The following EPM2A variants were observed in gnomAD, a reference collection of about 807,000 sequenced individuals.
EPM2A encodes EPM2A glucan phosphatase, laforin.
Under a neutral mutation model 26.5 loss-of-function variants are expected in EPM2A, and 21 were observed. The observed-to-expected ratio is 0.79, with a 90% CI of 0.56 to 1.14. EPM2A has a LOEUF of 1.14. EPM2A is among the 50% of genes most tolerant of loss of function. The pLI is 0.00. For missense variants in EPM2A, 458 were observed against 440.8 expected (o/e 1.04, Z -0.35); for synonymous variants, 217 against 177.6 (o/e 1.22, Z -1.76).
At chr6:145,719,760 T>C (rs1775852297) in intron 1 of EPM2A, among the ~76,000 whole-genome samples, 1 of 152,180 alleles carries the variant, frequency 6.6e-6, no homozygotes, top group South Asian at 2.1e-4. Context: ...CATCTTGGTA[T>C]CCCAGTACCT....
intron 1 of EPM2A, among the ~76,000 whole-genome samples, chr6:145,716,229 G>A (rs1203353469): frequency 6.6e-6 from 1 of 152,176 alleles, no homozygotes; most frequent in Non-Finnish European, 1.5e-5. Flanking sequence ...AATCCATAGG[G>A]ACAGAAGGCT....
At chr6:145,393,186 A>T (rs1291274333) in intron 4 of EPM2A, among the ~76,000 whole-genome samples, 1 of 152,110 alleles carries the variant, frequency 6.6e-6, no homozygotes, top group African/African-American at 2.4e-5. Flanking sequence ...TTTCGTGTTC[A>T]ACTACCTCTC....
chr6:145,386,600 A>G (rs1412778221), intron 4 of EPM2A, among the ~76,000 whole-genome samples: 1 of 152,154 alleles, frequency 6.6e-6, no homozygotes, highest in East Asian at 1.9e-4. Flanking sequence ...ACACTTAATA[A>G]CTGTGTTTAC....
chr6:145,686,758 A>C (rs1780947568), intron 1 of EPM2A: 1 of 173,670 alleles, frequency 5.8e-6, no homozygotes. Flanking sequence ...TAAATGCATT[A>C]ATAAGTAATA....
intron 2 of EPM2A, chr6:145,502,586 G>A (rs1238502306): frequency 2.1e-6 from 1 of 470,808 alleles, no homozygotes; most frequent in Non-Finnish European, 4.4e-6. Flanking sequence ...CTGGAAAAAG[G>A]AGGAGAGGAG....
chr6:145,457,684 T>A (rs1285525432), intron 4 of EPM2A, among the ~76,000 whole-genome samples: 3 of 152,020 alleles, frequency 2.0e-5, no homozygotes, highest in South Asian at 4.1e-4. Flanking sequence ...AGAAATGAGA[T>A]GACATACAGA....
chr6:145,634,184 C>T (rs1415011398), intron 3 of EPM2A, among the ~76,000 whole-genome samples: 1 of 152,094 alleles, frequency 6.6e-6, no homozygotes, highest in Non-Finnish European at 1.5e-5. Context: ...CTCTCTGCTG[C>T]CCCCTGCTGA....
intron 1 of EPM2A, among the ~76,000 whole-genome samples, chr6:145,732,103 A>C (rs1776516729): frequency 6.6e-6 from 1 of 152,110 alleles, no homozygotes; most frequent in African/African-American, 2.4e-5. Flanking sequence ...AGAAATGATT[A>C]AGGTTTTTAA....
At position 145,626,922 on chromosome 6, in the gene EPM2A, T is replaced by A; in HGVS notation, c.*494A>T. 4.0e-6 allele frequency: 4 copies of A among 1,007,282 alleles called. No homozygotes were observed. The highest frequency in any genetic ancestry group is 4.8e-6 in the Non-Finnish European group (4 of 841,924). 62.4% of individuals were successfully genotyped at this position (1,007,282 alleles called of 1,614,324 possible). On this transcript the variant is annotated 3_prime_UTR_variant, in exon 4 of 4. Transcript: ENST00000367519. Reference sequence around the variant, plus strand: ...CCTGAAAGCCATCACTTTTTGACCATAGTGAGCTCTTCTTTTGTAACGGTT... The same window carrying A: ...CCTGAAAGCCATCACTTTTTGACCAAAGTGAGCTCTTCTTTTGTAACGGTT...
At chr6:145,717,727 T>G (rs1325788035) in intron 1 of EPM2A, among the ~76,000 whole-genome samples, 77 of 149,378 alleles carry the variant, frequency 5.2e-4, no homozygotes, top group African/African-American at 1.8e-3. Context: ...CACCATTGTC[T>G]CAGCCCAAAA....
chr6:145,729,480 T>G (rs1776375373), intron 1 of EPM2A, among the ~76,000 whole-genome samples: 1 of 152,224 alleles, frequency 6.6e-6, no homozygotes, highest in Admixed American at 6.5e-5. Flanking sequence ...TACCTGGGTG[T>G]GAGACATGGA....
chr6:145,407,202 G>A (rs767383586), intron 4 of EPM2A, among the ~76,000 whole-genome samples: 92 of 152,214 alleles, frequency 6.0e-4, no homozygotes, highest in Non-Finnish European at 1.0e-3. Context: ...TCTTTCTGAT[G>A]AAACCATGTC....
chr6:145,691,952 T>G (rs1011433979), intron 1 of EPM2A, among the ~76,000 whole-genome samples: 1 of 152,150 alleles, frequency 6.6e-6, no homozygotes, highest in Non-Finnish European at 1.5e-5. Flanking sequence ...CAGAATAATT[T>G]TTAAGTGAAT....
At chr6:145,524,754 C>A (rs1044970725) in intron 2 of EPM2A, among the ~76,000 whole-genome samples, 2 of 152,086 alleles carry the variant, frequency 1.3e-5, no homozygotes, top group African/African-American at 4.8e-5. Flanking sequence ...TTTTGCTGAG[C>A]AGAAGTACTT....
intron 4 of EPM2A, among the ~76,000 whole-genome samples, chr6:145,389,183 A>G (rs1392914355): frequency 6.6e-6 from 1 of 151,594 alleles, no homozygotes; most frequent in Non-Finnish European, 1.5e-5. Flanking sequence ...ACTTTTTTTC[A>G]AAGCATTCAT....
At chr6:145,546,440 C>G (rs1437392451) in intron 2 of EPM2A, among the ~76,000 whole-genome samples, 2 of 152,144 alleles carry the variant, frequency 1.3e-5, no homozygotes, top group Admixed American at 6.5e-5. Flanking sequence ...CTTCCTTACT[C>G]AATCCACTGA....
intron 4 of EPM2A, chr6:145,492,207 G>A (rs1236581730): frequency 1.1e-5 from 2 of 182,586 alleles, no homozygotes; most frequent in South Asian, 1.1e-4. Flanking sequence ...TGGCTGCTTT[G>A]GCACCAGCTA....
chr6:145,485,936 A>G (rs1779665422), intron 4 of EPM2A, among the ~76,000 whole-genome samples: 2 of 152,188 alleles, frequency 1.3e-5, no homozygotes, highest in South Asian at 2.1e-4. Context: ...TGAGAACAGT[A>G]TGGGGGAAAC....
intron 2 of EPM2A, among the ~76,000 whole-genome samples, chr6:145,608,589 T>G (rs920678064): frequency 7.3e-6 from 1 of 136,784 alleles, no homozygotes; most frequent in Non-Finnish European, 1.7e-5. Flanking sequence ...TACTCTCTAC[T>G]GTGGTACTAA....
Sources: allele counts gnomAD v4.1 joint callset (sites outside exome capture counted in the v4.1 genomes callset), GRCh38; gene constraint gnomAD v4.1.1; transcripts MANE v1.5; gene names NCBI Gene and HGNC (gene_info 2026-07-23, HGNC 2026-07-21).